Variants in SLC30A7 observed in about 807,000 individuals in gnomAD.
The protein encoded by SLC30A7 is zinc transporter 7.
In SLC30A7, 35 loss-of-function variants were observed where a neutral mutation model predicts 46.0. That is an observed-to-expected ratio of 0.76 (90% CI 0.58 to 1.01). The LOEUF (loss-of-function observed/expected upper bound fraction) is 1.01. Ranked by LOEUF, SLC30A7 falls within the 50% of genes least tolerant of loss-of-function variation. SLC30A7 has a pLI of 0.00. For synonymous variants in SLC30A7, 147 were observed against 157.8 expected (o/e 0.93, Z 0.51); for missense variants, 464 against 451.1 (o/e 1.03, Z -0.26).
downstream of SLC30A7, among the ~76,000 whole-genome samples, chr1:100,986,061 G>C (rs1657247494): frequency 1.3e-5 from 2 of 152,176 alleles, no homozygotes; most frequent in Admixed American, 1.3e-4. Flanking sequence ...ATAAGCACAT[G>C]AAAAGATGAT....
At chr1:100,954,229 T>G (rs1454007545) in intron 8 of SLC30A7, among the ~76,000 whole-genome samples, 3 of 152,330 alleles carry the variant, frequency 2.0e-5, no homozygotes, top group African/African-American at 7.2e-5. Flanking sequence ...TACTGCAGTG[T>G]GTGCAGAGCT....
At chr1:100,906,244 T>C (rs184591274) in intron 2 of SLC30A7, among the ~76,000 whole-genome samples, 27 of 152,334 alleles carry the variant, frequency 1.8e-4, no homozygotes, top group African/African-American at 6.3e-4. Flanking sequence ...CACATATCTC[T>C]TTGTGCTCTC....
intron 2 of SLC30A7, among the ~76,000 whole-genome samples, chr1:100,897,594 T>A (rs1404402381): frequency 6.6e-6 from 1 of 152,202 alleles, no homozygotes; most frequent in Non-Finnish European, 1.5e-5. Flanking sequence ...TCTCTGTTGT[T>A]TAAGACCCAT....
chr1:100,921,309 T>C (rs935451352), intron 7 of SLC30A7, among the ~76,000 whole-genome samples: 11 of 152,248 alleles, frequency 7.2e-5, no homozygotes, highest in Middle Eastern at 3.4e-3. Context: ...TGTACGTATA[T>C]CTATAGTTAA....
chr1:100,967,720 T>C (rs1263326958), intron 10 of SLC30A7, among the ~76,000 whole-genome samples: 1 of 152,162 alleles, frequency 6.6e-6, no homozygotes, highest in East Asian at 1.9e-4. Flanking sequence ...TGGATTCTTT[T>C]AAAAAGTGTC....
At chr1:100,964,559 G>A (rs1655765872) in intron 9 of SLC30A7, among the ~76,000 whole-genome samples, 1 of 151,838 alleles carries the variant, frequency 6.6e-6, no homozygotes, top group Non-Finnish European at 1.5e-5. Context: ...GACTCTAAAG[G>A]TCATCTTCTT....
chr1:100,909,451 T>C (rs923469369), intron 3 of SLC30A7, among the ~76,000 whole-genome samples: 2 of 152,150 alleles, frequency 1.3e-5, no homozygotes, highest in African/African-American at 2.4e-5. Flanking sequence ...TATATACATA[T>C]GTACCTATAC....
intron 6 of SLC30A7, among the ~76,000 whole-genome samples, chr1:100,916,266 A>C (rs1652539216): frequency 6.6e-6 from 1 of 152,040 alleles, no homozygotes; most frequent in Non-Finnish European, 1.5e-5. Flanking sequence ...GGCTCACTGC[A>C]ACCTCTGCCT....
intron 10 of SLC30A7, among the ~76,000 whole-genome samples, chr1:100,967,263 C>T (rs1655918286): frequency 6.6e-6 from 1 of 152,160 alleles, no homozygotes; most frequent in Non-Finnish European, 1.5e-5. Flanking sequence ...GACAGTTTTT[C>T]CGTGAACAGG....
At chr1:100,901,962 T>TGC (rs373206329) in intron 2 of SLC30A7, among the ~76,000 whole-genome samples, 128 of 152,168 alleles carry the variant, frequency 8.4e-4, no homozygotes, top group Non-Finnish European at 1.6e-3. Context: ...AGGAAATTTA[T>TGC]AGTTTAAATT....
At position 100,906,832 on chromosome 1, in the gene SLC30A7, A is replaced by G. The variant is rs764343400; in HGVS notation, c.183-20A>G. 19 of 1,517,540 alleles carry G rather than the reference A, an allele frequency of 1.3e-5. 1 individual carries two copies. Among genetic ancestry groups the G allele is most frequent in the Non-Finnish European group, 1.2e-5 (13 of 1,093,582 alleles). The allele number at this position is 1,517,540 out of a possible 1,614,324, so 94.0% of individuals were successfully genotyped here. A position where few individuals can be genotyped will look rare whatever the true frequency, so the allele number is the denominator to read the frequency against. ...GTTTGGTTTTTATTATAATTTGTCAATGTGTTTGTTCTTTTCCAGCTTAGG... is the reference window on the plus strand; with the variant it reads ...GTTTGGTTTTTATTATAATTTGTCAGTGTGTTTGTTCTTTTCCAGCTTAGG... On this transcript the variant is annotated intron_variant, in intron 2 of 10. Coordinates refer to ENST00000357650, the MANE Select transcript of SLC30A7 (RefSeq NM_133496.5).
chr1:100,984,124 G>GGT (rs1205020949), downstream of SLC30A7, among the ~76,000 whole-genome samples: 1 of 152,200 alleles, frequency 6.6e-6, no homozygotes, highest in East Asian at 1.9e-4. Flanking sequence ...ATCCTATGGT[G>GGT]GTGGCCAACA....
At chr1:100,967,652 C>T (rs1425526120) in intron 10 of SLC30A7, among the ~76,000 whole-genome samples, 23 of 152,208 alleles carry the variant, frequency 1.5e-4, no homozygotes, top group Admixed American at 1.5e-3. Flanking sequence ...TTGAATCTAA[C>T]CATGAGCAAA....
chr1:100,916,970 A>C (rs538224760), intron 6 of SLC30A7, among the ~76,000 whole-genome samples: 5 of 152,216 alleles, frequency 3.3e-5, no homozygotes, highest in Admixed American at 6.5e-5. Context: ...TAGTTTGCAA[A>C]TATTTTCTGT....
chr1:100,949,103 G>A (rs540633931), intron 8 of SLC30A7, among the ~76,000 whole-genome samples: 20 of 152,268 alleles, frequency 1.3e-4, no homozygotes, highest in South Asian at 4.1e-4. Flanking sequence ...GAGAAGAGGC[G>A]CTCTGGTTTT....
At chr1:100,899,337 C>T (rs1651159829) in intron 2 of SLC30A7, among the ~76,000 whole-genome samples, 2 of 152,148 alleles carry the variant, frequency 1.3e-5, no homozygotes, top group Admixed American at 1.3e-4. Context: ...TAAGGAAAAA[C>T]AGCAATGACA....
chr1:100,960,122 A>G (rs757816625), intron 8 of SLC30A7, among the ~76,000 whole-genome samples: 1 of 152,212 alleles, frequency 6.6e-6, no homozygotes, highest in African/African-American at 2.4e-5. Flanking sequence ...TCCTGTCCAC[A>G]TTTAGCTTTC....
intron 10 of SLC30A7, among the ~76,000 whole-genome samples, chr1:100,967,666 C>G (rs1655939443): frequency 6.6e-6 from 1 of 152,202 alleles, no homozygotes; most frequent in African/African-American, 2.4e-5. Flanking sequence ...GAGCAAACAT[C>G]CAGACAAGTA....
chr1:100,962,469 A>G (rs1056452770), intron 9 of SLC30A7, among the ~76,000 whole-genome samples: 2 of 152,262 alleles, frequency 1.3e-5, no homozygotes, highest in Admixed American at 6.5e-5. Flanking sequence ...GCCATATGAA[A>G]ATACTGGAGA....
Sources: allele counts gnomAD v4.1 joint callset (sites outside exome capture counted in the v4.1 genomes callset), GRCh38; gene constraint gnomAD v4.1.1; transcripts MANE v1.5; gene names NCBI Gene and HGNC (gene_info 2026-07-23, HGNC 2026-07-21).